The following RPS17 variants were observed in gnomAD, a reference collection of about 807,000 sequenced individuals.
The protein encoded by RPS17 is small ribosomal subunit protein eS17.
For missense variants in RPS17, 68 were observed against 182.3 expected (o/e 0.37, Z 3.61); for synonymous variants, 75 against 65.6 (o/e 1.14, Z -0.70).
At chr15:82,536,974 C>T (rs982052002) in intron 4 of RPS17, 93 bp from the exon 5 acceptor site, 1 of 1,499,980 alleles carries the variant, frequency 6.7e-7, no homozygotes, top group Admixed American at 1.7e-5. Context: ...CCACAGCACT[C>T]TCAAGGGGGT....
chr15:82,538,259 G>T lies in RPS17; in HGVS notation c.327+47C>A, dbSNP rs1342892005. 3.5e-5 allele frequency: 57 copies of T among 1,606,124 alleles called. 1 individual carries two copies. The Middle Eastern group carries it at 5.0e-4, about 14-fold the overall frequency. Reference sequence around the variant, plus strand: ...CCTTGGATAATAAGACCTACTGATGGTTTTTGACCAGGAAAATACCACTTT... The same window carrying T: ...CCTTGGATAATAAGACCTACTGATGTTTTTTGACCAGGAAAATACCACTTT... On this transcript the variant is annotated intron_variant, in intron 4 of 4. Coordinates refer to ENST00000647841, the MANE Select transcript of RPS17 (RefSeq NM_001021.6).
intron 4 of RPS17, chr15:82,537,278 T>C: frequency 3.0e-6 from 1 of 333,274 alleles, no homozygotes. Flanking sequence ...CCTTGGCCTC[T>C]ACCCCTTAGA....
At chr15:82,540,158 T>G in intron 1 of RPS17, 26 bp from the exon 2 acceptor site, 2 of 1,613,594 alleles carry the variant, frequency 1.2e-6, no homozygotes, top group Non-Finnish European at 1.7e-6. Flanking sequence ...ACAGGATCAC[T>G]CACGAGCCAG....
At chr15:82,537,049 A>G (rs1595978840) in intron 4 of RPS17, 168 bp from the exon 5 acceptor site, 1 of 730,550 alleles carries the variant, frequency 1.4e-6, no homozygotes, top group African/African-American at 1.7e-5. Context: ...ACTTTTCCAG[A>G]GTGATCTTCC....
chr15:82,540,346 T>C, intron 1 of RPS17, 80 bp downstream of exon 1: 1 of 1,582,656 alleles, frequency 6.3e-7, no homozygotes, highest in South Asian at 1.1e-5. Flanking sequence ...GCCCAGGGCC[T>C]CTCTGTGGGC....
intron 4 of RPS17, chr15:82,537,312 T>A: frequency 3.4e-6 from 1 of 294,776 alleles, no homozygotes; most frequent in Non-Finnish European, 6.6e-6. Context: ...CCCCTGGCTA[T>A]GAGAACGAAA....
At chr15:82,537,485 G>C in intron 4 of RPS17, 1 of 292,136 alleles carries the variant, frequency 3.4e-6, no homozygotes, top group South Asian at 3.3e-5. Flanking sequence ...GCAGAAGGGA[G>C]GGAGGCAAGA....
chr15:82,538,112 T>A (rs2034273372), intron 4 of RPS17, 194 bp downstream of exon 4: 1 of 652,172 alleles, frequency 1.5e-6, no homozygotes. Context: ...TTGGGAATCA[T>A]GATCTTGTGG....
chr15:82,538,351 C>A lies in RPS17; in HGVS notation c.282G>T (p.Glu94Asp). The A allele has an allele frequency of 1.2e-6, 2 of 1,612,596 alleles. No individual in the cohort carries two copies. The highest frequency in any genetic ancestry group is 2.2e-5 in the South Asian group (2 of 90,992). The change falls in exon 4 of 5, where the codon GAG (glutamate) becomes GAT (aspartate). Residue 94 changes from glutamate (E) to aspartate (D), a missense_variant. Physicochemically the swap from Glu to Asp is conservative, Grantham distance 45. Coordinates refer to ENST00000647841, the MANE Select transcript of RPS17 (RefSeq NM_001021.6). ...TAGTGTCAGGATCTACTTCAATAAT[C>A]TCCTGATCCAAGGCTGAGACCTACA... ...YVPEVSALDQ[E>D]IIEVDPDTKE...
chr15:82,538,195 A>T, intron 4 of RPS17, 111 bp downstream of exon 4: 1 of 1,190,718 alleles, frequency 8.4e-7, no homozygotes, highest in Non-Finnish European at 1.2e-6. Flanking sequence ...CTACAAGTTT[A>T]GATGGGATTC....
intron 4 of RPS17, chr15:82,537,198 T>G: frequency 2.2e-6 from 1 of 462,532 alleles, no homozygotes; most frequent in Non-Finnish European, 4.0e-6. Context: ...CTTGGCAACG[T>G]AGACATCCTG....
chr15:82,540,046 C>A lies in RPS17; in HGVS notation c.90G>T (p.Thr30=). The part of the protein sequence containing the change: ...YYTRLGNDFH[T]NKRVCEEIAI... The stretch of plus-strand genomic sequence containing the variant: ...CGATCTCCTCGCACACGCGCTTGTT[C>A]GTGTGGAAGTCGTTGCCCAGGCGCG... Residue 30 remains threonine, a synonymous_variant, in exon 2 of 5, where the codon ACG becomes ACT. Transcript: ENST00000647841. 2 of 1,612,706 alleles carry A rather than the reference C, an allele frequency of 1.2e-6. No homozygotes were observed. The highest frequency in any genetic ancestry group is 1.7e-6 in the Non-Finnish European group (2 of 1,179,872).
intron 4 of RPS17, 69 bp downstream of exon 4, chr15:82,538,237 T>C: frequency 6.4e-7 from 1 of 1,566,444 alleles, no homozygotes; most frequent in Non-Finnish European, 8.8e-7. Context: ...TGGGTGACCT[T>C]GGATAATAAG....
chr15:82,536,953 G>C (rs2034250020), intron 4 of RPS17, 72 bp from the exon 5 acceptor site: 1 of 1,574,644 alleles, frequency 6.4e-7, no homozygotes, highest in Non-Finnish European at 8.7e-7. Context: ...AGAAAACACA[G>C]GCCCCTAGAG....
chr15:82,536,925 C>T (rs2034249356), intron 4 of RPS17, 44 bp from the exon 5 acceptor site: 1 of 1,609,826 alleles, frequency 6.2e-7, no homozygotes, highest in African/African-American at 1.3e-5. Flanking sequence ...CTGGTGAGAT[C>T]TGTGAGTGGA....
intron 2 of RPS17, chr15:82,539,311 T>TA (rs2034299428): frequency 5.8e-6 from 3 of 513,898 alleles, no homozygotes; most frequent in Non-Finnish European, 7.5e-6. Context: ...TGGCAATTAA[T>TA]ACGTTGACTT....
At chr15:82,539,281 A>C in intron 2 of RPS17, 1 of 573,134 alleles carries the variant, frequency 1.7e-6, no homozygotes, top group Admixed American at 2.2e-5. Flanking sequence ...ATTTTCTTCC[A>C]ATTTCAAATT....
intron 2 of RPS17, 34 bp from the exon 3 acceptor site, chr15:82,539,019 G>A (rs2034291540): frequency 8.1e-6 from 13 of 1,605,246 alleles, no homozygotes; most frequent in Non-Finnish European, 1.1e-5. Context: ...AGAACAGTGA[G>A]AAGACAAATC....
intron 3 of RPS17, 158 bp from the exon 4 acceptor site, chr15:82,538,529 C>T (rs1028992660): frequency 1.6e-5 from 13 of 832,228 alleles, no homozygotes; most frequent in African/African-American, 1.0e-4. Flanking sequence ...TTACAGACCC[C>T]GATGACCTGT....
Sources: gnomAD v4.1 joint callset for allele counts on GRCh38, gnomAD v4.1.1 for gene constraint, MANE v1.5 for transcripts, NCBI Gene and HGNC (gene_info 2026-07-23, HGNC 2026-07-21) for gene names.